Variants in NAV3 observed in about 807,000 individuals in gnomAD.
NAV3 encodes the protein neuron navigator 3, also known as pore membrane and/or filament interacting like protein 1.
NAV3 carries 87 observed loss-of-function variants against 244.7 expected under a neutral mutation model. That is an observed-to-expected ratio of 0.36 (90% confidence interval 0.30 to 0.42). The LOEUF (loss-of-function observed/expected upper bound fraction) is 0.42, where lower values mean the gene tolerates loss of function less well. Ranked by LOEUF, NAV3 falls within the 20% of genes least tolerant of loss-of-function variation. The pLI is 1.00. For synonymous variants in NAV3, 1,126 were observed against 1,042.2 expected, an observed-to-expected ratio of 1.08 and a Z score of -1.55; for missense variants, 2,663 against 2,893.3, an observed-to-expected ratio of 0.92 and a Z score of 1.83.
rs373268800 is a variant in NAV3 at position 78,180,943 on chromosome 12, C to T, written c.5590C>T (p.Arg1864Trp). ...AETGNTAKPT[R>W]PPSESSSSTS... ...AACTGGTAACACAGCTAAGCCTACT[C>T]GGCCACCGTCAGAATCCTCAAGCAG... Residue 1864 changes from arginine to tryptophan, a missense_variant, in exon 30 of 40, where the codon CGG (arginine) becomes TGG (tryptophan). Physicochemically the swap from Arg to Trp is moderately radical, Grantham distance 101 (BLOSUM62 -3). Around this residue, in one of 6 missense-constraint regions of NAV3, gnomAD observed 543 missense variants for 672.4 expected, o/e 0.81. Transcript: ENST00000397909. 18 of 1,613,086 alleles carry T rather than the reference C, an allele frequency of 1.1e-5. No individual in the cohort carries two copies. Among genetic ancestry groups the T allele is most frequent in the Non-Finnish European group, 1.4e-5 (16 of 1,179,482 alleles).
intron 22 of NAV3, among the ~76,000 whole-genome samples, chr12:78,150,491 TTTTTGTTTTTGTTTTTG>T (rs141546006): frequency 0.34 from 49,799 of 147,934 alleles, 8,454 homozygotes; most frequent in East Asian, 0.46. Context: ...ATTTCACATT[TTTTTGTTTTTGTTTTTG>T]TTTTTTTTTC....
chr12:78,080,234 A>G (rs1194459669), intron 12 of NAV3, among the ~76,000 whole-genome samples: 1 of 152,182 alleles, frequency 6.6e-6, no homozygotes, highest in Non-Finnish European at 1.5e-5. Flanking sequence ...GTATAAAAGT[A>G]CCAAGGGCCA....
chr12:77,758,926 C>T (rs1009280453), intron 2 of NAV3, among the ~76,000 whole-genome samples: 1 of 152,186 alleles, frequency 6.6e-6, no homozygotes, highest in African/African-American at 2.4e-5. Context: ...AGCATCATTT[C>T]AATATGTTCT....
At chr12:78,040,061 A>G (rs563893719) in intron 9 of NAV3, among the ~76,000 whole-genome samples, 6 of 152,184 alleles carry the variant, frequency 3.9e-5, no homozygotes, top group Admixed American at 6.5e-5. Context: ...TTATATTTAG[A>G]CTTTGCAATT....
At chr12:78,067,585 A>G (rs1218551587) in intron 12 of NAV3, among the ~76,000 whole-genome samples, 2 of 152,018 alleles carry the variant, frequency 1.3e-5, no homozygotes, top group Non-Finnish European at 2.9e-5. Context: ...TTCATACCAC[A>G]TCCACATGTT....
intron 2 of NAV3, among the ~76,000 whole-genome samples, chr12:77,761,135 T>G (rs1180580430): frequency 6.6e-6 from 1 of 152,206 alleles, no homozygotes; most frequent in East Asian, 1.9e-4. Flanking sequence ...CTCGGCTCAC[T>G]GCAACCTCCG....
intron 2 of NAV3, among the ~76,000 whole-genome samples, chr12:77,772,100 T>C (rs1223548001): frequency 6.6e-6 from 1 of 152,086 alleles, no homozygotes; most frequent in African/African-American, 2.4e-5. Flanking sequence ...AACTACAAAT[T>C]TGATAACATT....
chr12:77,674,815 G>A (rs901435470), intron 2 of NAV3, among the ~76,000 whole-genome samples: 7 of 152,140 alleles, frequency 4.6e-5, no homozygotes, highest in African/African-American at 1.7e-4. Flanking sequence ...AGATATATTG[G>A]TGACCAAATC....
Position 78,205,056 on chromosome 12 carries a change from T to C in NAV3, c.6956T>C (p.Val2319Ala). Residue 2319 changes from valine (V) to alanine (A), a missense_variant, in exon 39 of 40, where the codon GTT (valine) becomes GCT (alanine). Transcript: ENST00000397909. ...PALLQLRPED[V>A]GYESCTSTKE... Reference sequence around the variant, plus strand: ...TTACTTCAGCTGCGACCAGAAGATGTTGGGTATGAAAGCTGCACATCCACT... The same window carrying C: ...TTACTTCAGCTGCGACCAGAAGATGCTGGGTATGAAAGCTGCACATCCACT... 6.2e-7 allele frequency: 1 copy of C among 1,613,510 alleles called. No individual in the cohort carries two copies. The highest frequency in any genetic ancestry group is 8.5e-7 in the Non-Finnish European group (1 of 1,179,740).
chr12:77,970,699 T>C (rs774517752), intron 5 of NAV3, among the ~76,000 whole-genome samples: 47 of 152,114 alleles, frequency 3.1e-4, no homozygotes, highest in Non-Finnish European at 6.3e-4. Context: ...AAAATAAATC[T>C]CTATAGGCTA....
chr12:78,038,570 A>C (rs2137047700), intron 9 of NAV3, among the ~76,000 whole-genome samples: 1 of 152,290 alleles, frequency 6.6e-6, no homozygotes, highest in East Asian at 1.9e-4. Flanking sequence ...TAGAAGAGTA[A>C]TCTTTCCACA....
chr12:77,835,660 T>G (rs1874499549), intron 1 of NAV3, among the ~76,000 whole-genome samples: 1 of 152,260 alleles, frequency 6.6e-6, no homozygotes. Context: ...TTGCTCATCC[T>G]TTGATGGCCT....
chr12:78,167,672 C>T (rs1593875176), intron 23 of NAV3, among the ~76,000 whole-genome samples: 1 of 151,548 alleles, frequency 6.6e-6, no homozygotes. Context: ...GAATGAAGAA[C>T]CGAGGCCCGA....
At chr12:77,998,565 T>G in intron 7 of NAV3, 89 bp downstream of exon 7, 22 of 1,407,608 alleles carry the variant, frequency 1.6e-5, no homozygotes, top group Non-Finnish European at 1.9e-5. Context: ...GCGTAACAAC[T>G]TTGGGCCTAG....
At chr12:77,957,509 A>T (rs1271015501) in intron 3 of NAV3, among the ~76,000 whole-genome samples, 1 of 152,212 alleles carries the variant, frequency 6.6e-6, no homozygotes, top group Non-Finnish European at 1.5e-5. Flanking sequence ...TCTTCCAATT[A>T]CATGTCCTGA....
chr12:77,588,514 C>T (rs1340020885), intron 2 of NAV3, among the ~76,000 whole-genome samples: 1 of 152,132 alleles, frequency 6.6e-6, no homozygotes, highest in Non-Finnish European at 1.5e-5. Flanking sequence ...GGTGCTTTCT[C>T]ATACTGGTGT....
At chr12:77,983,029 C>A (rs912535936) in intron 5 of NAV3, among the ~76,000 whole-genome samples, 1 of 152,086 alleles carries the variant, frequency 6.6e-6, no homozygotes. Context: ...TTTATCGTAT[C>A]CCTGTGTTAA....
chr12:77,644,284 T>G (rs1331711135), intron 2 of NAV3, among the ~76,000 whole-genome samples: 3 of 152,028 alleles, frequency 2.0e-5, no homozygotes, highest in Non-Finnish European at 4.4e-5. Flanking sequence ...TTATGTCCCC[T>G]CATGTGGTAT....
At chr12:77,995,147 A>G (rs1026144698) in intron 6 of NAV3, among the ~76,000 whole-genome samples, 2 of 152,180 alleles carry the variant, frequency 1.3e-5, no homozygotes, top group African/African-American at 2.4e-5. Flanking sequence ...CAAGGAAACC[A>G]TTACTTTGAA....
Sources: gnomAD v4.1 joint callset for allele counts (sites outside exome capture counted in the v4.1 genomes callset) on GRCh38, gnomAD v4.1.1 for gene constraint, gnomAD v4.1.1 regional missense constraint, MANE v1.5 for transcripts, NCBI Gene and HGNC (gene_info 2026-07-23, HGNC 2026-07-21) for gene names.